Variants in ALK observed in about 807,000 individuals in gnomAD.
The protein encoded by ALK is ALK receptor tyrosine kinase, also known as ALK tyrosine kinase receptor.
In ALK, 74 loss-of-function variants were observed where a neutral mutation model predicts 163.1. The observed-to-expected ratio is 0.45, with a 90% CI of 0.38 to 0.55. The LOEUF is 0.55. Ranked by LOEUF, ALK falls within the 20% of genes least tolerant of loss-of-function variation. ALK has a pLI of 0.00. For missense variants in ALK, 2,063 were observed against 2,105.3 expected (o/e 0.98, Z 0.39); for synonymous variants, 960 against 843.2 (o/e 1.14, Z -2.40).
At chr2:29,238,744 G>A (rs534743377) in intron 13 of ALK, among the ~76,000 whole-genome samples, 9 of 152,240 alleles carry the variant, frequency 5.9e-5, no homozygotes, top group Admixed American at 3.3e-4. Flanking sequence ...GCCCAGAATC[G>A]CCTCCTCCTG....
intron 9 of ALK, among the ~76,000 whole-genome samples, chr2:29,281,319 T>C (rs1665713552): frequency 6.6e-6 from 1 of 151,892 alleles, no homozygotes; most frequent in Admixed American, 6.6e-5. Context: ...TTCCCCAGGA[T>C]AGAAGAGGCT....
At chr2:29,266,451 T>C (rs1665224017) in intron 11 of ALK, among the ~76,000 whole-genome samples, 1 of 152,120 alleles carries the variant, frequency 6.6e-6, no homozygotes, top group Admixed American at 6.5e-5. Flanking sequence ...ACATGAGGGG[T>C]GAGTGAATTG....
At chr2:29,792,830 T>C (rs936554554) in intron 1 of ALK, among the ~76,000 whole-genome samples, 49 of 152,220 alleles carry the variant, frequency 3.2e-4, no homozygotes, top group Non-Finnish European at 1.5e-4. Flanking sequence ...AAAAATACTT[T>C]ATTGCTAAAA....
chr2:29,600,648 A>G (rs944288423), intron 3 of ALK, among the ~76,000 whole-genome samples: 6 of 152,290 alleles, frequency 3.9e-5, no homozygotes, highest in African/African-American at 1.4e-4. Context: ...GTTTGTGTAC[A>G]GTGTCGATTG....
intron 4 of ALK, among the ~76,000 whole-genome samples, chr2:29,519,145 A>G (rs955128443): frequency 1.3e-5 from 2 of 152,200 alleles, no homozygotes; most frequent in African/African-American, 2.4e-5. Context: ...CCAAAGTTAC[A>G]AAGCCAAGGG....
intron 1 of ALK, among the ~76,000 whole-genome samples, chr2:29,877,983 G>GC (rs1311002951): frequency 6.6e-6 from 1 of 152,164 alleles, no homozygotes; most frequent in African/African-American, 2.4e-5. Context: ...AGGGTAGTGG[G>GC]CCCACCTGTT....
chr2:29,684,260 C>T (rs978566789), intron 3 of ALK, among the ~76,000 whole-genome samples: 17 of 151,992 alleles, frequency 1.1e-4, no homozygotes, highest in South Asian at 2.1e-4. Flanking sequence ...CTTCTTAATA[C>T]GAGGAAGTAA....
intron 1 of ALK, among the ~76,000 whole-genome samples, chr2:29,800,765 T>TA (rs1231262497): frequency 2.0e-5 from 3 of 152,070 alleles, no homozygotes; most frequent in Non-Finnish European, 4.4e-5. Context: ...ACCACCAAGG[T>TA]AAAACAGGCA....
rs555564417 is a variant in ALK at position 29,207,761 on chromosome 2, G to A, written c.3837-489C>T. Among the ~76,000 whole-genome samples, 17 of 152,328 alleles carry A rather than the reference G, an allele frequency of 1.1e-4. No individual in the cohort carries two copies. In the South Asian group the frequency reaches 3.5e-3, roughly 32 times the overall value. ...AACCAGTAATCTAGACAGCTGTGTG[G>A]ATGCTGCCTCCCATGACACACCCAG... On this transcript the variant is annotated intron_variant, in intron 25 of 28. Coordinates refer to ENST00000389048, the MANE Select transcript of ALK (RefSeq NM_004304.5).
chr2:29,428,773 A>G (rs1351382118), intron 4 of ALK, among the ~76,000 whole-genome samples: 3 of 152,060 alleles, frequency 2.0e-5, no homozygotes, highest in African/African-American at 7.2e-5. Context: ...TGTCAGTATT[A>G]TTTTGATACC....
intron 1 of ALK, among the ~76,000 whole-genome samples, chr2:29,824,755 T>C (rs963107212): frequency 1.3e-5 from 2 of 152,228 alleles, no homozygotes; most frequent in African/African-American, 4.8e-5. Flanking sequence ...TACAGGCTCG[T>C]AGGCAGAAGG....
At chr2:29,212,353 A>C (rs1669488236) in intron 24 of ALK, among the ~76,000 whole-genome samples, 1 of 152,232 alleles carries the variant, frequency 6.6e-6, no homozygotes, top group South Asian at 2.1e-4. Flanking sequence ...GGACAAGAAC[A>C]GGACTGGGGA....
At chr2:29,612,087 G>T (rs1244592984) in intron 3 of ALK, among the ~76,000 whole-genome samples, 1 of 152,070 alleles carries the variant, frequency 6.6e-6, no homozygotes, top group African/African-American at 2.4e-5. Flanking sequence ...GGCCGACTTG[G>T]GACTTGACAC....
Position 29,703,441 on chromosome 2 carries a change from T to C in ALK, c.788-8427A>G, listed in dbSNP as rs551395109. On this transcript the variant is annotated intron_variant, in intron 2 of 28. Coordinates refer to ENST00000389048, the MANE Select transcript of ALK (RefSeq NM_004304.5). The stretch of plus-strand genomic sequence containing the variant: ...GAGATTTGACTCTAATTCTGCCATT[T>C]GTCAGCTCTGTGATATGGGACACTG... 1.8e-4 allele frequency among the ~76,000 whole-genome samples: 28 copies of C among 152,346 alleles called. No individual in the cohort carries two copies. In the East Asian group the frequency reaches 3.5e-3, roughly 19 times the overall value.
chr2:29,214,135 G>A, intron 23 of ALK, 54 bp from the exon 24 acceptor site: 1 of 1,466,764 alleles, frequency 6.8e-7, no homozygotes. Flanking sequence ...TGAGAGGAGG[G>A]AAATCTGAAA....
chr2:29,251,946 A>G (rs1664826136), intron 11 of ALK, among the ~76,000 whole-genome samples: 1 of 152,224 alleles, frequency 6.6e-6, no homozygotes, highest in Non-Finnish European at 1.5e-5. Context: ...GGCAGGGCTC[A>G]GGCTCCTTAT....
intron 1 of ALK, among the ~76,000 whole-genome samples, chr2:29,826,214 G>GGGT (rs1376499974): frequency 1.3e-5 from 2 of 151,992 alleles, no homozygotes; most frequent in Admixed American, 6.6e-5. Flanking sequence ...TCTCCATATG[G>GGGT]GGTAGTAGAA....
At chr2:29,758,327 A>T (rs998654141) in intron 1 of ALK, among the ~76,000 whole-genome samples, 4 of 152,036 alleles carry the variant, frequency 2.6e-5, no homozygotes, top group African/African-American at 9.7e-5. Context: ...GGTGGCTGTG[A>T]CTTTCCCATC....
intron 1 of ALK, among the ~76,000 whole-genome samples, chr2:29,915,172 T>C (rs753456558): frequency 3.9e-5 from 6 of 152,212 alleles, no homozygotes; most frequent in Non-Finnish European, 5.9e-5. Flanking sequence ...CTGAGACTTC[T>C]GCTGATCAAC....
Sources: gnomAD v4.1 joint callset for allele counts (sites outside exome capture counted in the v4.1 genomes callset) on GRCh38, gnomAD v4.1.1 for gene constraint, MANE v1.5 for transcripts, NCBI Gene and HGNC (gene_info 2026-07-23, HGNC 2026-07-21) for gene names.